Variants in TAF11L12 observed in about 807,000 individuals in gnomAD.
TAF11L12 encodes TATA-box-binding protein-associated factor 11-like protein 12.
chr5:17,610,546 A>G lies in TAF11L12; in HGVS notation c.-444A>G, dbSNP rs545854359. 6.6e-4 allele frequency: 104 copies of G among 156,450 alleles called. 6 individuals carry two copies. The highest frequency in any genetic ancestry group is 2.3e-3 in the African/African-American group (97 of 41,414). The allele number at this position is 156,450 out of a possible 1,614,324, so 9.7% of individuals were successfully genotyped here. On this transcript the variant is annotated 5_prime_UTR_variant, in exon 1 of 1. Transcript: ENST00000503184. ...TGGGGCTCACAACCCTAAGGCATTG[A>G]ATTCTGCCACCAACACGAATGAGAT...
chr5:17,611,502 C>T (rs1334569332), exon 1 of TAF11L12: 1 of 397,758 alleles, frequency 2.5e-6, no homozygotes. Context: ...CGCTGCAGCC[C>T]AAGCATTTAA....
chr5:17,611,400 C>T (rs545497146), exon 1 of TAF11L12: 7 of 397,920 alleles, frequency 1.8e-5, no homozygotes, highest in Admixed American at 8.8e-5. Context: ...CTGAGAACAC[C>T]GCCATTGCCA....
At chr5:17,611,630 C>G (rs1579619117), downstream of TAF11L12, 17 of 397,818 alleles carry the variant, frequency 4.3e-5, no homozygotes, top group East Asian at 6.1e-4. Context: ...ATAAGTATCG[C>G]ATTCATCTTC....
At chr5:17,611,417 G>A (rs754126889) in exon 1 of TAF11L12, 1 of 398,098 alleles carries the variant, frequency 2.5e-6, no homozygotes, top group East Asian at 3.6e-5. Flanking sequence ...GCCATGGCTG[G>A]AATAGCTAAG....
chr5:17,611,270 C>A (rs1430338383), exon 1 of TAF11L12: 2 of 398,000 alleles, frequency 5.0e-6, no homozygotes, highest in Non-Finnish European at 8.9e-6. Flanking sequence ...GCTCAGATGA[C>A]AACCCTGCTG....
exon 1 of TAF11L12, chr5:17,611,428 G>A (rs1739274681): frequency 1.0e-5 from 4 of 397,954 alleles, no homozygotes; most frequent in Admixed American, 4.4e-5. Context: ...AATAGCTAAG[G>A]TCTTGGTTGG....
chr5:17,611,867 G>A (rs2126393015), downstream of TAF11L12, among the ~76,000 whole-genome samples: 1 of 151,456 alleles, frequency 6.6e-6, no homozygotes, highest in Non-Finnish European at 1.5e-5. Context: ...GCATCCTGTG[G>A]ACAGGTAGCT....
downstream of TAF11L12, among the ~76,000 whole-genome samples, chr5:17,611,768 C>A (rs558924907): frequency 6.6e-6 from 1 of 151,466 alleles, no homozygotes; most frequent in Non-Finnish European, 1.5e-5. Flanking sequence ...TTCACAGTAG[C>A]CTTGGCTAAA....
At chr5:17,610,631 T>A in exon 1 of TAF11L12, 1 of 207,686 alleles carries the variant, frequency 4.8e-6, no homozygotes, top group Non-Finnish European at 9.5e-6. Context: ...ATCCTGGAGG[T>A]CCGTCATGTG....
downstream of TAF11L12, among the ~76,000 whole-genome samples, chr5:17,612,055 A>G (rs1221335402): frequency 6.6e-6 from 1 of 151,536 alleles, no homozygotes; most frequent in Non-Finnish European, 1.5e-5. Context: ...TGTTTTAGTC[A>G]TCACAAAAGC....
chr5:17,611,982 C>T (rs371379628), downstream of TAF11L12, among the ~76,000 whole-genome samples: 40 of 151,442 alleles, frequency 2.6e-4, 2 homozygotes, highest in East Asian at 5.8e-4. Context: ...TTTCAGTAAG[C>T]GAAGCCTCCA....
exon 1 of TAF11L12, chr5:17,611,465 T>A: frequency 2.5e-6 from 1 of 397,930 alleles, no homozygotes; most frequent in South Asian, 1.3e-4. Context: ...GCCCTGGACG[T>A]GTGCGAGATG....
chr5:17,612,084 A>G (rs972946286), downstream of TAF11L12, among the ~76,000 whole-genome samples: 1 of 151,460 alleles, frequency 6.6e-6, no homozygotes. Context: ...TGTTTTCCAA[A>G]CTGCAGAAAT....
chr5:17,612,012 GTCC>G (rs1579619329), downstream of TAF11L12, among the ~76,000 whole-genome samples: 1 of 151,332 alleles, frequency 6.6e-6, no homozygotes, highest in Non-Finnish European at 1.5e-5. Context: ...CCCAATTGTT[GTCC>G]TCCTCTGATT....
chr5:17,611,924 T>A (rs970563268), downstream of TAF11L12, among the ~76,000 whole-genome samples: 6 of 151,354 alleles, frequency 4.0e-5, no homozygotes, highest in African/African-American at 1.5e-4. Context: ...ACGGTTTCAT[T>A]CTGAAGCCTG....
chr5:17,611,245 G>A (rs536555879), exon 1 of TAF11L12: 28 of 398,358 alleles, frequency 7.0e-5, no homozygotes, highest in Middle Eastern at 6.3e-4. Flanking sequence ...GAAGCCCACC[G>A]TGGATGCAGA....
Position 17,610,780 on chromosome 5 carries a change from C to A in TAF11L12, c.-210C>A, listed in dbSNP as rs1739260192. 1.6e-5 allele frequency: 6 copies of A among 382,992 alleles called. No individual in the cohort carries two copies. The East Asian group carries it at 2.2e-4, about 14-fold the overall frequency. 23.7% of individuals were successfully genotyped at this position (382,992 alleles called of 1,614,324 possible). A position where few individuals can be genotyped will look rare whatever the true frequency, so the allele number is the denominator to read the frequency against. On this transcript the variant is annotated 5_prime_UTR_variant, in exon 1 of 1. Coordinates refer to ENST00000503184, the Ensembl canonical transcript of TAF11L12. ...TATACTCTCCATCCACAAGTTTCTTCACATTGTGGAAGTGAGAACATTCAG... is the reference window on the plus strand; with the variant it reads ...TATACTCTCCATCCACAAGTTTCTTAACATTGTGGAAGTGAGAACATTCAG...
At chr5:17,611,202 A>T in exon 1 of TAF11L12, 2 of 398,228 alleles carry the variant, frequency 5.0e-6, no homozygotes, top group East Asian at 3.6e-5. Context: ...CAGCCAAAAG[A>T]CAGAAAACAG....
chr5:17,611,985 A>G (rs999443728), downstream of TAF11L12, among the ~76,000 whole-genome samples: 1 of 151,410 alleles, frequency 6.6e-6, no homozygotes, highest in African/African-American at 2.4e-5. Flanking sequence ...CAGTAAGCGA[A>G]GCCTCCAGAA....
Sources: allele counts gnomAD v4.1 joint callset (sites outside exome capture counted in the v4.1 genomes callset), GRCh38; gene constraint gnomAD v4.1.1; transcripts MANE v1.5; gene names NCBI Gene and HGNC (gene_info 2026-07-23, HGNC 2026-07-21).